STAG1: variants seen among roughly 807,000 people sequenced by gnomAD.
The protein encoded by STAG1 is cohesin subunit SA-1.
Under a neutral mutation model 170.9 loss-of-function variants are expected in STAG1, and 26 were observed. The observed-to-expected ratio is 0.15, with a 90% CI of 0.11 to 0.21. The LOEUF is 0.21. Ranked by LOEUF, STAG1 falls within the 10% of genes least tolerant of loss-of-function variation. The probability of loss-of-function intolerance (pLI) is 1.00; values close to 1 mark genes in which losing one functional copy is unlikely to be tolerated. For missense variants in STAG1, 964 were observed against 1,509.5 expected, an observed-to-expected ratio of 0.64 and a Z score of 5.99; for synonymous variants, 514 against 497.7, an observed-to-expected ratio of 1.03 and a Z score of -0.44.
At chr3:136,698,694 ATGGGTATCTTGC>A (rs1942967491) in intron 1 of STAG1, among the ~76,000 whole-genome samples, 1 of 152,212 alleles carries the variant, frequency 6.6e-6, no homozygotes, top group South Asian at 2.1e-4. Context: ...TTCCGTTTGT[ATGGGTATCTTGC>A]TGGGTATCTA....
intron 1 of STAG1, among the ~76,000 whole-genome samples, chr3:136,633,190 G>A (rs768403010): frequency 2.0e-5 from 3 of 151,580 alleles, no homozygotes; most frequent in South Asian, 4.2e-4. Context: ...TTCCAGTTTC[G>A]GCCAGAAAGT....
chr3:136,368,465 C>T (rs941880345), intron 24 of STAG1, among the ~76,000 whole-genome samples: 1 of 152,014 alleles, frequency 6.6e-6, no homozygotes, highest in African/African-American at 2.4e-5. Context: ...ACATAATGAC[C>T]ACTTAGGAAC....
At position 136,398,794 on chromosome 3, in the gene STAG1, C is replaced by A. The variant is rs781182534; in HGVS notation, c.2232G>T (p.Ser744=). ...VVQALQCSHY[S]ILWQLVKITD... Reference sequence around the variant, plus strand: ...TAATTTTCACCAACTGCCAAAGAATCGAATAATGGGAACACTGCAGTGCTT... The same window carrying A: ...TAATTTTCACCAACTGCCAAAGAATAGAATAATGGGAACACTGCAGTGCTT... Residue 744 remains serine, a synonymous_variant, in exon 22 of 34, where the codon TCG becomes TCT. Transcript: ENST00000383202. 6.2e-7 allele frequency: 1 copy of A among 1,602,626 alleles called. No individual in the cohort carries two copies. Among genetic ancestry groups the A allele is most frequent in the South Asian group, 1.1e-5 (1 of 89,468 alleles).
chr3:136,674,441 A>T (rs939520668), intron 1 of STAG1, among the ~76,000 whole-genome samples: 1 of 152,208 alleles, frequency 6.6e-6, no homozygotes, highest in African/African-American at 2.4e-5. Flanking sequence ...ATTCTGTAGA[A>T]AAATTCTGTC....
intron 15 of STAG1, among the ~76,000 whole-genome samples, chr3:136,437,631 A>G (rs1026088939): frequency 1.2e-4 from 18 of 152,178 alleles, no homozygotes; most frequent in African/African-American, 4.1e-4. Context: ...TAAAATCACC[A>G]ATGACCTAAA....
intron 28 of STAG1, among the ~76,000 whole-genome samples, chr3:136,355,445 A>T (rs907581903): frequency 5.3e-5 from 8 of 152,034 alleles, no homozygotes; most frequent in Non-Finnish European, 1.0e-4. Context: ...TGAAGGGACA[A>T]ATAGACAATT....
intron 26 of STAG1, 102 bp downstream of exon 26, chr3:136,363,264 T>C: frequency 1.7e-6 from 1 of 601,936 alleles, no homozygotes; most frequent in Non-Finnish European, 2.9e-6. Context: ...TGATATAAAA[T>C]GACCTAGTTT....
intron 21 of STAG1, among the ~76,000 whole-genome samples, chr3:136,416,239 C>T (rs1044742427): frequency 3.9e-5 from 6 of 152,162 alleles, no homozygotes; most frequent in Non-Finnish European, 7.4e-5. Flanking sequence ...AACTCCTGGC[C>T]TTGTGATCCG....
chr3:136,433,775 C>G, intron 15 of STAG1, 116 bp from the exon 16 acceptor site: 2 of 720,984 alleles, frequency 2.8e-6, no homozygotes, highest in East Asian at 2.8e-5. Flanking sequence ...ATTTTAAAGA[C>G]TAAAGTTAAG....
intron 4 of STAG1, among the ~76,000 whole-genome samples, chr3:136,584,294 GTT>G (rs767335954): frequency 6.6e-6 from 1 of 152,124 alleles, no homozygotes; most frequent in Non-Finnish European, 1.5e-5. Flanking sequence ...CATTCAACCA[GTT>G]CACAAAACCT....
rs1409370694 is a variant in STAG1 at position 136,398,767 on chromosome 3, A to G, written c.2259T>C (p.Thr753=). 6.2e-7 allele frequency: 1 copy of G among 1,603,980 alleles called. No individual in the cohort carries two copies. ...TACTTACTTTGGAAGGAGAGCCATCAGTAATTTTCACCAACTGCCAAAGAA... is the reference window on the plus strand; with the variant it reads ...TACTTACTTTGGAAGGAGAGCCATCGGTAATTTTCACCAACTGCCAAAGAA... ...YSILWQLVKI[T]DGSPSKEDLL... The change falls in exon 22 of 34, where the codon ACT becomes ACC. Residue 753 remains threonine (T), a synonymous_variant. Transcript: ENST00000383202.
intron 5 of STAG1, among the ~76,000 whole-genome samples, chr3:136,553,364 A>AT (rs980367764): frequency 3.9e-5 from 6 of 152,232 alleles, no homozygotes; most frequent in Non-Finnish European, 7.3e-5. Context: ...ATTTAAAGAG[A>AT]TAACAATTAA....
rs750414067 is a variant in STAG1, at chr3:136,338,381, C to T, written c.3742G>A (p.Glu1248Lys). The change falls in exon 33 of 34, where the codon GAA becomes AAA. Residue 1248 changes from glutamate to lysine, a missense_variant. Glu to Lys is a moderately conservative substitution (Grantham distance 56). This residue lies in a region of STAG1 where 59 missense variants were observed against 104.2 expected (regional missense o/e 0.57). Coordinates refer to ENST00000383202, the MANE Select transcript of STAG1 (RefSeq NM_005862.3). ...AATTTGACATTTACTGAATCATCTT[C>T]TATGATAGCTGCAGAGTCAAAGAAG... ...PDFFDSAAII[E>K]DDSGFGMPMF 6.2e-7 allele frequency: 1 copy of T among 1,613,090 alleles called. No individual in the cohort carries two copies. Among genetic ancestry groups the T allele is most frequent in the South Asian group, 1.1e-5 (1 of 91,038 alleles).
chr3:136,442,533 G>T (rs2088661749), intron 15 of STAG1, among the ~76,000 whole-genome samples: 1 of 152,066 alleles, frequency 6.6e-6, no homozygotes, highest in African/African-American at 2.4e-5. Context: ...CCTATTTCTT[G>T]AGTAGCTAGG....
At chr3:136,663,962 G>C (rs1482119288) in intron 1 of STAG1, among the ~76,000 whole-genome samples, 1 of 152,152 alleles carries the variant, frequency 6.6e-6, no homozygotes, top group Admixed American at 6.5e-5. Flanking sequence ...AGCTTAAAAT[G>C]CAAAGAGCAG....
chr3:136,381,681 T>C (rs1394030341), intron 22 of STAG1, among the ~76,000 whole-genome samples: 1 of 152,214 alleles, frequency 6.6e-6, no homozygotes, highest in African/African-American at 2.4e-5. Flanking sequence ...TTTTTGGTCA[T>C]TCTTGACCTT....
At chr3:136,617,049 T>C (rs763802465) in intron 3 of STAG1, among the ~76,000 whole-genome samples, 3 of 152,118 alleles carry the variant, frequency 2.0e-5, no homozygotes, top group Non-Finnish European at 2.9e-5. Context: ...TCTAGAAATT[T>C]AGGATTAAAA....
At chr3:136,637,636 T>C (rs1248716452) in intron 1 of STAG1, among the ~76,000 whole-genome samples, 1 of 152,188 alleles carries the variant, frequency 6.6e-6, no homozygotes, top group African/African-American at 2.4e-5. Flanking sequence ...CCACGTATTC[T>C]ACTTTCTAGC....
At chr3:136,583,212 T>C (rs1227653112) in intron 4 of STAG1, among the ~76,000 whole-genome samples, 2 of 152,196 alleles carry the variant, frequency 1.3e-5, no homozygotes, top group African/African-American at 4.8e-5. Context: ...ATATTGTATA[T>C]GCTTAAGAAG....
Sources: allele counts gnomAD v4.1 joint callset (sites outside exome capture counted in the v4.1 genomes callset), GRCh38; gene constraint gnomAD v4.1.1; regional missense constraint gnomAD v4.1.1; transcripts MANE v1.5; gene names NCBI Gene and HGNC (gene_info 2026-07-23, HGNC 2026-07-21).